Variants in HMCN1 observed in about 807,000 individuals in gnomAD.
HMCN1 encodes the protein hemicentin 1.
A neutral mutation model predicts 625.9 loss-of-function variants in HMCN1; 321 were observed. That is an observed-to-expected ratio of 0.51 (90% CI 0.47 to 0.56). HMCN1 has a LOEUF of 0.56. Among genes scored for constraint, HMCN1 ranks in the 20% least tolerant of loss-of-function variants. The probability of loss-of-function intolerance (pLI) is 0.00; values close to 1 mark genes in which losing one functional copy is unlikely to be tolerated. For synonymous variants in HMCN1, 2,425 were observed against 2,417.6 expected, an observed-to-expected ratio of 1.00 and a Z score of -0.09; for missense variants, 6,588 against 6,887.3, an observed-to-expected ratio of 0.96 and a Z score of 1.54.
intron 105 of HMCN1, 34 bp downstream of exon 105, chr1:186,182,321 C>T (rs1244673750): frequency 6.2e-7 from 1 of 1,612,168 alleles, no homozygotes; most frequent in South Asian, 1.1e-5. Flanking sequence ...TTGTTGCAAA[C>T]TTGACTAAAA....
At chr1:185,982,497 G>T in intron 18 of HMCN1, 108 bp downstream of exon 18, 1 of 1,066,472 alleles carries the variant, frequency 9.4e-7, no homozygotes, top group Non-Finnish European at 1.4e-6. Context: ...CTGGAGTGCA[G>T]TGGTGGGATC....
chr1:186,002,711 T>A (rs1200250726), intron 28 of HMCN1, among the ~76,000 whole-genome samples: 1 of 152,016 alleles, frequency 6.6e-6, no homozygotes, highest in East Asian at 1.9e-4. Context: ...TATAGCTAAT[T>A]TTCTCCATAG....
At chr1:186,154,614 TTGTC>T (rs1364931611) in intron 97 of HMCN1, among the ~76,000 whole-genome samples, 1 of 152,238 alleles carries the variant, frequency 6.6e-6, no homozygotes, top group Non-Finnish European at 1.5e-5. Context: ...TGAATTTTGT[TTGTC>T]AAGAAATTTT....
chr1:185,906,351 A>G (rs1666094664), intron 4 of HMCN1, among the ~76,000 whole-genome samples: 1 of 151,864 alleles, frequency 6.6e-6, no homozygotes, highest in Non-Finnish European at 1.5e-5. Context: ...AACAAGTAAT[A>G]TTATGATACA....
chr1:185,982,515 A>T, intron 18 of HMCN1, 126 bp downstream of exon 18: 1 of 845,522 alleles, frequency 1.2e-6, no homozygotes, highest in South Asian at 1.5e-5. Flanking sequence ...ATCTAGGCTC[A>T]CCGCAACCTC....
intron 70 of HMCN1, among the ~76,000 whole-genome samples, chr1:186,107,452 A>G (rs1383251331): frequency 6.6e-6 from 1 of 152,224 alleles, no homozygotes; most frequent in Non-Finnish European, 1.5e-5. Context: ...TCATCACACA[A>G]AGACTTTTTT....
intron 11 of HMCN1, among the ~76,000 whole-genome samples, chr1:185,946,148 G>A (rs762030931): frequency 1.3e-5 from 2 of 152,162 alleles, no homozygotes; most frequent in Non-Finnish European, 2.9e-5. Flanking sequence ...TCCAAGGCAA[G>A]CGTTCTTCCA....
intron 1 of HMCN1, among the ~76,000 whole-genome samples, chr1:185,794,601 ATTTTTTTTT>A (rs34098989): frequency 5.4e-5 from 6 of 111,194 alleles, no homozygotes; most frequent in Admixed American, 9.5e-5. Context: ...GTCTTTACAC[ATTTTTTTTT>A]TTTTTTTTTT....
chr1:186,128,354 T>G (rs778720447), intron 83 of HMCN1, 63 bp downstream of exon 83: 1 of 1,307,696 alleles, frequency 7.6e-7, no homozygotes, highest in Non-Finnish European at 1.1e-6. Flanking sequence ...GACGAAGCTC[T>G]GTTTCCTCCA....
At chr1:186,159,965 T>C (rs1651325291) in intron 97 of HMCN1, among the ~76,000 whole-genome samples, 1 of 151,842 alleles carries the variant, frequency 6.6e-6, no homozygotes, top group African/African-American at 2.4e-5. Context: ...TCCCTCTTTT[T>C]CTATTGATTG....
chr1:185,832,188 TG>T (rs1660906457), intron 1 of HMCN1, among the ~76,000 whole-genome samples: 1 of 151,930 alleles, frequency 6.6e-6, no homozygotes, highest in African/African-American at 2.4e-5. Context: ...CCCAGCTACT[TG>T]GGGAGCTGAT....
chr1:185,873,084 C>A (rs1001998989), intron 4 of HMCN1, among the ~76,000 whole-genome samples: 2 of 152,088 alleles, frequency 1.3e-5, no homozygotes, highest in Non-Finnish European at 2.9e-5. Context: ...CAATAAGTTG[C>A]ATGCTTTCAA....
chr1:185,938,377 AG>A (rs1427028147), intron 11 of HMCN1, among the ~76,000 whole-genome samples: 1 of 152,212 alleles, frequency 6.6e-6, no homozygotes, highest in Non-Finnish European at 1.5e-5. Flanking sequence ...GTAAACAGAA[AG>A]ATAAAATCAG....
At chr1:185,770,286 A>G (rs74135305) in intron 1 of HMCN1, among the ~76,000 whole-genome samples, 2,521 of 152,310 alleles carry the variant, frequency 0.017, 80 homozygotes, top group African/African-American at 0.053. Context: ...TTTCAGAGAG[A>G]GTATATATTA....
At position 186,115,345 on chromosome 1, in the gene HMCN1, C is replaced by T. The variant is rs764126721; in HGVS notation, c.11492C>T (p.Pro3831Leu). The change falls in exon 75 of 107, where the codon CCA becomes CTA. Residue 3831 changes from proline to leucine, a missense_variant. Around this residue, in one of 3 missense-constraint regions of HMCN1, gnomAD observed 4,628 missense variants for 4,853.1 expected, o/e 0.95. Coordinates refer to ENST00000271588, the MANE Select transcript of HMCN1 (RefSeq NM_031935.3). ...TTLACEATGI[P>L]KPSINWRKNG... ...CTGGCTTGTGAGGCTACTGGGATAC[C>T]AAAACCATCAATCAATTGGAGAAAA... 2 of 1,613,812 alleles carry T rather than the reference C, an allele frequency of 1.2e-6. No individual in the cohort carries two copies. Among genetic ancestry groups the T allele is most frequent in the East Asian group, 2.2e-5 (1 of 44,852 alleles).
intron 69 of HMCN1, 26 bp from the exon 70 acceptor site, chr1:186,106,858 T>C (rs1283104669): frequency 7.0e-7 from 1 of 1,432,786 alleles, no homozygotes; most frequent in South Asian, 1.1e-5. Context: ...GTTAACATTA[T>C]GTAATTCATT....
At chr1:185,950,548 C>G (rs368489232) in intron 11 of HMCN1, among the ~76,000 whole-genome samples, 2 of 151,688 alleles carry the variant, frequency 1.3e-5, no homozygotes, top group Admixed American at 6.6e-5. Context: ...AGAGATCAGT[C>G]GGACACAATT....
chr1:186,078,234 T>G lies in HMCN1; in HGVS notation c.8599+14T>G. The G allele has an allele frequency of 6.5e-7, 1 of 1,544,736 alleles. No individual in the cohort carries two copies. Among genetic ancestry groups the G allele is most frequent in the Non-Finnish European group, 8.9e-7 (1 of 1,118,244 alleles). ...TCCGTGTACTCGGTGAGTTTTTCTT[T>G]TGTTTATTGTTCATTCTTTTACTGA... On this transcript the variant is annotated intron_variant, in intron 55 of 106. Coordinates refer to ENST00000271588, the MANE Select transcript of HMCN1 (RefSeq NM_031935.3).
rs115544786 is a variant in HMCN1, at chr1:185,768,185, C to A, written c.268+33138C>A. Reference sequence around the variant, plus strand: ...TATTGAGAAAGAAGCCCACTTCGTTCAGAAAACTTACAATTGGTATAACCA... The same window carrying A: ...TATTGAGAAAGAAGCCCACTTCGTTAAGAAAACTTACAATTGGTATAACCA... On this transcript the variant is annotated intron_variant, in intron 1 of 106. Coordinates refer to ENST00000271588, the MANE Select transcript of HMCN1 (RefSeq NM_031935.3). Among the ~76,000 whole-genome samples, 1,129 of 152,258 alleles carry A rather than the reference C, an allele frequency of 7.4e-3. 9 individuals carry two copies. Among genetic ancestry groups the A allele is most frequent in the Middle Eastern group, 0.027 (8 of 294 alleles).
Sources: gnomAD v4.1 joint callset for allele counts (sites outside exome capture counted in the v4.1 genomes callset) on GRCh38, gnomAD v4.1.1 for gene constraint, gnomAD v4.1.1 regional missense constraint, MANE v1.5 for transcripts, NCBI Gene and HGNC (gene_info 2026-07-23, HGNC 2026-07-21) for gene names.